Variants in KDM4A observed in about 807,000 individuals in gnomAD.
KDM4A encodes the protein lysine-specific demethylase 4A.
In KDM4A, 23 loss-of-function variants were observed where a neutral mutation model predicts 127.1. That is an observed-to-expected ratio of 0.18 (90% CI 0.13 to 0.26). KDM4A has a LOEUF of 0.26. Among genes scored for constraint, KDM4A ranks in the 10% least tolerant of loss-of-function variants. KDM4A has a pLI of 1.00. For missense variants in KDM4A, 890 were observed against 1,329.1 expected, an observed-to-expected ratio of 0.67 and a Z score of 5.14; for synonymous variants, 443 against 466.5, an observed-to-expected ratio of 0.95 and a Z score of 0.65.
At chr1:43,672,757 G>GT (rs1421997837) in intron 11 of KDM4A, among the ~76,000 whole-genome samples, 5 of 152,152 alleles carry the variant, frequency 3.3e-5, no homozygotes, top group African/African-American at 1.2e-4. Flanking sequence ...GCCTCCCAAA[G>GT]TACTGGGATT....
At chr1:43,673,543 G>A (rs1163622040) in intron 11 of KDM4A, among the ~76,000 whole-genome samples, 1 of 151,852 alleles carries the variant, frequency 6.6e-6, no homozygotes, top group Non-Finnish European at 1.5e-5. Flanking sequence ...ACTTTTCTCG[G>A]TGCCTTCTCT....
intron 10 of KDM4A, 39 bp downstream of exon 10, chr1:43,669,338 A>G (rs751980823): frequency 1.9e-6 from 3 of 1,585,606 alleles, no homozygotes; most frequent in Admixed American, 3.3e-5. Context: ...ACCCTAACTC[A>G]TATATGTGTC....
At position 43,703,748 on chromosome 1, in the gene KDM4A, T is replaced by G; in HGVS notation, c.2961+12T>G. 2 of 1,614,022 alleles carry G rather than the reference T, an allele frequency of 1.2e-6. No homozygotes were observed. Among genetic ancestry groups the G allele is most frequent in the Non-Finnish European group, 1.7e-6 (2 of 1,179,938 alleles). On this transcript the variant is annotated intron_variant, in intron 20 of 21. Coordinates refer to ENST00000372396, the MANE Select transcript of KDM4A (RefSeq NM_014663.3). ...TCCAAATGTACCAGGTATCCAAAGT[T>G]CTACCTTTCTAGGGAGTGGGGGGTG...
At chr1:43,662,756 C>T in intron 4 of KDM4A, 138 bp from the exon 5 acceptor site, 3 of 679,860 alleles carry the variant, frequency 4.4e-6, no homozygotes, top group Non-Finnish European at 7.4e-6. Context: ...CTATGGTCTT[C>T]ACGTCCATAG....
chr1:43,679,101 CT>C (rs2154047842), intron 11 of KDM4A, among the ~76,000 whole-genome samples: 1 of 152,218 alleles, frequency 6.6e-6, no homozygotes, highest in African/African-American at 2.4e-5. Flanking sequence ...CAACCCAGCC[CT>C]TTTCAAAAGC....
At chr1:43,689,827 A>AT (rs1022431022) in intron 13 of KDM4A, among the ~76,000 whole-genome samples, 77 of 152,346 alleles carry the variant, frequency 5.1e-4, no homozygotes, top group African/African-American at 1.7e-3. Flanking sequence ...AGGGCCCCAG[A>AT]TTCATGCTTG....
intron 5 of KDM4A, 63 bp from the exon 6 acceptor site, chr1:43,665,633 A>G (rs561082409): frequency 1.3e-6 from 2 of 1,509,004 alleles, no homozygotes; most frequent in East Asian, 4.5e-5. Context: ...GAGAGTGGGA[A>G]TAAGTCCCTT....
intron 18 of KDM4A, among the ~76,000 whole-genome samples, chr1:43,695,212 G>A (rs988548442): frequency 4.6e-5 from 7 of 152,118 alleles, no homozygotes; most frequent in South Asian, 2.1e-4. Flanking sequence ...CCTAGTGTCC[G>A]GGACATGCAG....
At chr1:43,665,637 G>A in intron 5 of KDM4A, 59 bp from the exon 6 acceptor site, 1 of 1,526,344 alleles carries the variant, frequency 6.6e-7, no homozygotes, top group African/African-American at 1.4e-5. Context: ...GTGGGAATAA[G>A]TCCCTTAGCT....
intron 4 of KDM4A, among the ~76,000 whole-genome samples, chr1:43,661,218 A>C (rs1570818348): frequency 1.3e-5 from 2 of 151,792 alleles, no homozygotes; most frequent in Non-Finnish European, 2.9e-5. Context: ...CAGGTGATCC[A>C]CCTGCCTCAG....
chr1:43,686,335 CTT>C (rs35280583), intron 12 of KDM4A, among the ~76,000 whole-genome samples: 1 of 92,898 alleles, frequency 1.1e-5, no homozygotes, highest in African/African-American at 4.4e-5. Flanking sequence ...CACGCCCAGC[CTT>C]TTTTTTTTTT....
At chr1:43,655,806 ACCC>A in intron 3 of KDM4A, 40 bp downstream of exon 3, 1 of 1,535,384 alleles carries the variant, frequency 6.5e-7, no homozygotes, top group Non-Finnish European at 8.9e-7. Context: ...AGCACCTAGG[ACCC>A]TGGTGTCTCA....
chr1:43,704,174 A>T, intron 21 of KDM4A, 56 bp from the exon 22 acceptor site: 1 of 1,613,396 alleles, frequency 6.2e-7, no homozygotes, highest in Non-Finnish European at 8.5e-7. Context: ...TCAAGGATGC[A>T]TCCCTTTGTA....
At chr1:43,692,867 G>A (rs1296429484) in intron 16 of KDM4A, among the ~76,000 whole-genome samples, 1 of 152,204 alleles carries the variant, frequency 6.6e-6, no homozygotes, top group Non-Finnish European at 1.5e-5. Flanking sequence ...TTTGTGCTTA[G>A]GCTTGTGTTT....
rs367833562 is a variant in KDM4A, at chr1:43,666,288, T to C, written c.674-164T>C. 4.2e-4 allele frequency: 256 copies of C among 614,690 alleles called. No homozygotes were observed. The East Asian group carries it at 6.5e-3, about 16-fold the overall frequency. 38.1% of individuals were successfully genotyped at this position (614,690 alleles called of 1,614,324 possible). On this transcript the variant is annotated intron_variant, in intron 6 of 21. Coordinates refer to ENST00000372396, the MANE Select transcript of KDM4A (RefSeq NM_014663.3). Reference sequence around the variant, plus strand: ...ACATGGGAGTGAGCCTAGAGGCTCATTGCAGAATCTTAGAATTGGTGCGGA... The same window carrying C: ...ACATGGGAGTGAGCCTAGAGGCTCACTGCAGAATCTTAGAATTGGTGCGGA...
At chr1:43,699,068 C>T (rs1295236321) in intron 19 of KDM4A, among the ~76,000 whole-genome samples, 1 of 150,328 alleles carries the variant, frequency 6.7e-6, no homozygotes, top group Non-Finnish European at 1.5e-5. Context: ...GGATTACAGG[C>T]GTGAGCCACT....
In KDM4A at chr1:43,704,052, T is replaced by C. The variant is rs1661479588; in HGVS notation, c.2994T>C (p.Val998=). The part of the protein sequence containing the change: ...VEFEDGSQLV[V]KRDDVYTLDE... Reference sequence around the variant, plus strand: ...TTGAGGATGGCTCACAACTTGTGGTTAAGAGAGATGATGTATACACACTGG... The same window carrying C: ...TTGAGGATGGCTCACAACTTGTGGTCAAGAGAGATGATGTATACACACTGG... Residue 998 remains valine, a synonymous_variant, in exon 21 of 22, where the codon GTT becomes GTC. Transcript: ENST00000372396. The C allele has an allele frequency of 6.2e-7, 1 of 1,614,010 alleles. No individual in the cohort carries two copies. The highest frequency in any genetic ancestry group is 1.3e-5 in the African/African-American group (1 of 74,904).
At chr1:43,650,511 C>T (rs1660085929) in intron 1 of KDM4A, 1 of 152,392 alleles carries the variant, frequency 6.6e-6, no homozygotes, top group South Asian at 2.1e-4. Context: ...GCTTCACTCG[C>T]CAAGGCGGCG....
At chr1:43,683,594 C>T in intron 11 of KDM4A, 90 bp from the exon 12 acceptor site, 1 of 1,449,242 alleles carries the variant, frequency 6.9e-7, no homozygotes, top group Non-Finnish European at 9.4e-7. Flanking sequence ...CTCTGTGCCC[C>T]TCTCTTTCCT....
Sources: gnomAD v4.1 joint callset for allele counts (sites outside exome capture counted in the v4.1 genomes callset) on GRCh38, gnomAD v4.1.1 for gene constraint, MANE v1.5 for transcripts, NCBI Gene and HGNC (gene_info 2026-07-23, HGNC 2026-07-21) for gene names.